BUB1B: variants seen among roughly 807,000 people sequenced by gnomAD.
BUB1B encodes the protein mitotic checkpoint serine/threonine-protein kinase BUB1 beta.
BUB1B carries 86 observed loss-of-function variants against 137.7 expected under a neutral mutation model. The observed-to-expected ratio is 0.62, with a 90% CI of 0.52 to 0.75. BUB1B has a LOEUF of 0.75. BUB1B is among the 30% of genes least tolerant of loss of function. The pLI, the probability that BUB1B is intolerant of heterozygous loss-of-function variation, is 0.00. For missense variants in BUB1B, 1,130 were observed against 1,236.9 expected (o/e 0.91, Z 1.30); for synonymous variants, 420 against 417.9 (o/e 1.00, Z -0.06).
At chr15:40,165,280 C>T (rs776965871) in intron 2 of BUB1B, 84 bp downstream of exon 2, 50 of 1,576,250 alleles carry the variant, frequency 3.2e-5, no homozygotes, top group Non-Finnish European at 4.3e-5. Context: ...TGAGAGATGG[C>T]ATAATGAGTA....
At chr15:40,204,383 C>G (rs2037611075) in intron 14 of BUB1B, among the ~76,000 whole-genome samples, 2 of 151,116 alleles carry the variant, frequency 1.3e-5, no homozygotes, top group Non-Finnish European at 2.9e-5. Context: ...TACAGTGGTT[C>G]TAGATTCAGC....
At chr15:40,214,992 G>C (rs1295353783) in intron 20 of BUB1B, among the ~76,000 whole-genome samples, 1 of 152,142 alleles carries the variant, frequency 6.6e-6, no homozygotes, top group Non-Finnish European at 1.5e-5. Flanking sequence ...ATGGAAATTG[G>C]AAGCAGAGGT....
chr15:40,205,073 A>C (rs2037621141), intron 14 of BUB1B, among the ~76,000 whole-genome samples: 1 of 150,404 alleles, frequency 6.6e-6, no homozygotes, highest in Non-Finnish European at 1.5e-5. Context: ...CAGCCTCCCG[A>C]GTAGCTGGGA....
rs763386438 is a variant in BUB1B at position 40,185,275 on chromosome 15, T to C, written c.862T>C (p.Ser288Pro). The change falls in exon 7 of 23, where the codon TCT becomes CCT. Residue 288 changes from serine to proline, a missense_variant. Physicochemically the swap from Ser to Pro is moderately conservative, Grantham distance 74. Transcript: ENST00000287598. ...TGATGAGGCTTCTACAGCAGAGTTG[T>C]CTAAGCCTACAGTCCAGCCATGGAT... ...NADEASTAEL[S>P]KPTVQPWIAP... 1 of 1,614,168 alleles carries C rather than the reference T, an allele frequency of 6.2e-7. No individual in the cohort carries two copies. Among genetic ancestry groups the C allele is most frequent in the Non-Finnish European group, 8.5e-7 (1 of 1,180,030 alleles).
rs2037448927 is a variant in BUB1B, at chr15:40,192,436, T to C, written c.1059-4109T>C. Among the ~76,000 whole-genome samples, 6 of 152,352 alleles carry C rather than the reference T, an allele frequency of 3.9e-5. No homozygotes were observed. The South Asian group carries it at 1.2e-3, about 32-fold the overall frequency. ...TTGTTTACATTAGGATTCACTCTAA[T>C]GTGTTTTACAGTTCTGTGTGTTTTA... On this transcript the variant is annotated intron_variant, in intron 8 of 22. Transcript: ENST00000287598.
In BUB1B at chr15:40,176,657, C is replaced by T. The variant is rs2037227723; in HGVS notation, c.565C>T (p.Leu189=). 1 of 1,614,136 alleles carries T rather than the reference C, an allele frequency of 6.2e-7. No homozygotes were observed. Among genetic ancestry groups the T allele is most frequent in the Middle Eastern group, 1.6e-4 (1 of 6,062 alleles). Residue 189 remains leucine (L), a synonymous_variant, in exon 5 of 23, where the codon CTA becomes TTA. Coordinates refer to ENST00000287598, the MANE Select transcript of BUB1B (RefSeq NM_001211.6). ...ACAGAAGGCTGAACCACTAGAAAGA[C>T]TACAGTCCCAGCACCGGTAAACTTT... ...IQQKAEPLER[L]QSQHRQFQAR...
intron 5 of BUB1B, among the ~76,000 whole-genome samples, chr15:40,180,062 A>G (rs372622020): frequency 2.7e-5 from 4 of 150,326 alleles, no homozygotes; most frequent in African/African-American, 9.8e-5. Context: ...TTCATTCCTG[A>G]AGCTCCAAGT....
At chr15:40,214,185 A>C (rs1281728065) in intron 20 of BUB1B, among the ~76,000 whole-genome samples, 1 of 152,218 alleles carries the variant, frequency 6.6e-6, no homozygotes, top group Non-Finnish European at 1.5e-5. Flanking sequence ...CTGACCTGTT[A>C]GCCAAGAGAA....
rs754657047 is a variant in BUB1B, at chr15:40,200,285, A to T, written c.1443A>T (p.Gln481His). The change falls in exon 11 of 23, where the codon CAA becomes CAT. Residue 481 changes from glutamine (Q) to histidine (H), a missense_variant. By Grantham distance (24) the Gln-to-His change is conservative. Coordinates refer to ENST00000287598, the MANE Select transcript of BUB1B (RefSeq NM_001211.6). ...CTACAAAGGAGACAACTAAACTGCA[A>T]ATTGCTTCCGAGTCTCAGAAAATAC... ...TMPTKETTKL[Q>H]IASESQKIPG... is the part of the protein sequence containing the mutation. 3 of 1,613,932 alleles carry T rather than the reference A, an allele frequency of 1.9e-6. No individual in the cohort carries two copies. The South Asian group carries it at 3.3e-5, about 18-fold the overall frequency.
At chr15:40,168,054 A>C (rs1039507422) in intron 2 of BUB1B, among the ~76,000 whole-genome samples, 4 of 151,768 alleles carry the variant, frequency 2.6e-5, no homozygotes, top group African/African-American at 9.7e-5. Flanking sequence ...TTTCTAGAAA[A>C]GAGCCTACTG....
At position 40,218,642 on chromosome 15, in the gene BUB1B, G is replaced by A. The variant is rs186089175; in HGVS notation, c.2957+80G>A. On this transcript the variant is annotated intron_variant, in intron 22 of 22. Coordinates refer to ENST00000287598, the MANE Select transcript of BUB1B (RefSeq NM_001211.6). Reference sequence around the variant, plus strand: ...CTTGGGTGCTATCTCTGCTTTGGCAGCCTTAGTTTTTTAATCCAAATGCCA... The same window carrying A: ...CTTGGGTGCTATCTCTGCTTTGGCAACCTTAGTTTTTTAATCCAAATGCCA... 15 of 1,092,596 alleles carry A rather than the reference G, an allele frequency of 1.4e-5. No homozygotes were observed. The South Asian group carries it at 2.0e-4, about 14-fold the overall frequency. 67.7% of individuals were successfully genotyped at this position (1,092,596 alleles called of 1,614,324 possible). A position where few individuals can be genotyped will look rare whatever the true frequency, so the allele number is the denominator to read the frequency against.
intron 5 of BUB1B, among the ~76,000 whole-genome samples, chr15:40,182,692 A>ATCAT (rs2037308842): frequency 1.3e-5 from 2 of 152,132 alleles, no homozygotes; most frequent in African/African-American, 4.8e-5. Context: ...GAATTAGGAG[A>ATCAT]TCCTCTTGTT....
At chr15:40,163,859 C>T (rs1033521302) in intron 1 of BUB1B, among the ~76,000 whole-genome samples, 5 of 152,124 alleles carry the variant, frequency 3.3e-5, no homozygotes, top group Non-Finnish European at 7.4e-5. Flanking sequence ...TCATAGTTTC[C>T]AAGAAGCTGT....
At chr15:40,193,893 T>TAAA (rs79901868) in intron 8 of BUB1B, among the ~76,000 whole-genome samples, 31 of 122,706 alleles carry the variant, frequency 2.5e-4, no homozygotes, top group African/African-American at 7.0e-4. Context: ...AGATTCTGTC[T>TAAA]AAAAAAAAAA....
chr15:40,185,294 C>T lies in BUB1B; in HGVS notation c.881C>T (p.Pro294Leu). Reference protein sequence around the residue: ...TAELSKPTVQPWIAPPMPRAK... With the variant: ...TAELSKPTVQLWIAPPMPRAK... Reference sequence around the variant, plus strand: ...GAGTTGTCTAAGCCTACAGTCCAGCCATGGATAGCACCCCCCATGCCCAGG... The same window carrying T: ...GAGTTGTCTAAGCCTACAGTCCAGCTATGGATAGCACCCCCCATGCCCAGG... Residue 294 changes from proline to leucine, a missense_variant, in exon 7 of 23, where the codon CCA (proline) becomes CTA (leucine). Pro to Leu is a moderately conservative substitution (Grantham distance 98). Transcript: ENST00000287598. 1 of 1,614,156 alleles carries T rather than the reference C, an allele frequency of 6.2e-7. No homozygotes were observed. Among genetic ancestry groups the T allele is most frequent in the Non-Finnish European group, 8.5e-7 (1 of 1,180,036 alleles).
chr15:40,192,136 TC>T (rs1469369231), intron 8 of BUB1B, among the ~76,000 whole-genome samples: 2 of 152,372 alleles, frequency 1.3e-5, no homozygotes, highest in East Asian at 3.9e-4. Context: ...AGGATGTCTT[TC>T]CAGTTATGTA....
At position 40,196,538 on chromosome 15, in the gene BUB1B, T is replaced by G; in HGVS notation, c.1059-7T>G. 1 of 1,611,244 alleles carries G rather than the reference T, an allele frequency of 6.2e-7. No individual in the cohort carries two copies. On this transcript the variant is annotated splice_polypyrimidine_tract_variant and splice_region_variant and intron_variant, in intron 8 of 22. Coordinates refer to ENST00000287598, the MANE Select transcript of BUB1B (RefSeq NM_001211.6). The stretch of plus-strand genomic sequence containing the variant: ...CCATATGAATAATAGTAATTTTGCT[T>G]CTTTAGGACACCATGTAAAATTGAA...
chr15:40,166,327 TTC>T (rs1168127051), intron 2 of BUB1B: 41 of 436,438 alleles, frequency 9.4e-5, no homozygotes, highest in Admixed American at 4.9e-4. Context: ...AGACATAATT[TTC>T]TCTCTCTCTC....
chr15:40,161,864 G>A (rs538120971), intron 1 of BUB1B, among the ~76,000 whole-genome samples: 21 of 152,212 alleles, frequency 1.4e-4, no homozygotes, highest in African/African-American at 5.1e-4. Context: ...TGTGGTGCCC[G>A]CAATACCTAG....
Sources: gnomAD v4.1 joint callset for allele counts (sites outside exome capture counted in the v4.1 genomes callset) on GRCh38, gnomAD v4.1.1 for gene constraint, MANE v1.5 for transcripts, NCBI Gene and HGNC (gene_info 2026-07-23, HGNC 2026-07-21) for gene names.